The following TPD52 variants were observed in gnomAD, a reference collection of about 807,000 sequenced individuals.
TPD52 encodes the protein prostate and colon associated protein.
Under a neutral mutation model 31.3 loss-of-function variants are expected in TPD52, and 17 were observed. The ratio of observed to expected loss-of-function variants is 0.54; its 90% CI spans 0.37 to 0.82. TPD52 has a LOEUF of 0.82. TPD52 is among the 40% of genes least tolerant of loss of function. TPD52 has a pLI of 0.00. For synonymous variants in TPD52, 83 were observed against 89.6 expected, an observed-to-expected ratio of 0.93 and a Z score of 0.42; for missense variants, 212 against 240.1, an observed-to-expected ratio of 0.88 and a Z score of 0.77.
chr8:80,051,478 T>A (rs747720848), intron 4 of TPD52, 49 bp downstream of exon 4: 1 of 1,551,878 alleles, frequency 6.4e-7, no homozygotes, highest in Non-Finnish European at 8.9e-7. Context: ...AACAATAACA[T>A]TTTAATTTGC....
At chr8:80,070,751 C>T (rs556371020) in intron 1 of TPD52, among the ~76,000 whole-genome samples, 1 of 152,222 alleles carries the variant, frequency 6.6e-6, no homozygotes, top group Non-Finnish European at 1.5e-5. Flanking sequence ...CAGATTTTTA[C>T]AAGAATAGGA....
At chr8:80,099,957 A>G (rs1264475066) in intron 1 of TPD52, among the ~76,000 whole-genome samples, 1 of 152,250 alleles carries the variant, frequency 6.6e-6, no homozygotes, top group African/African-American at 2.4e-5. Context: ...CAAACCTATT[A>G]TGGCCCAATG....
At chr8:80,050,890 C>A (rs2130517740) in intron 4 of TPD52, among the ~76,000 whole-genome samples, 1 of 151,766 alleles carries the variant, frequency 6.6e-6, no homozygotes, top group South Asian at 2.1e-4. Flanking sequence ...ACTTAAACCA[C>A]ATTTGTCATT....
At chr8:80,129,231 A>T (rs746737912) in intron 1 of TPD52, among the ~76,000 whole-genome samples, 8 of 152,214 alleles carry the variant, frequency 5.3e-5, no homozygotes, top group South Asian at 2.1e-4. Context: ...TAAAATTTTT[A>T]AAAAATAATT....
rs552146979 is a variant in TPD52, at chr8:80,126,389, T to C, written c.19+45036A>G. On this transcript the variant is annotated intron_variant, in intron 1 of 7. Transcript: ENST00000518937. The stretch of plus-strand genomic sequence containing the variant: ...TTTTTTTTTTTTTGCAAACATTCTC[T>C]GTTCATCCCAAATGGATTTTAATTA... Among the ~76,000 whole-genome samples, 21 of 151,718 alleles carry C rather than the reference T, an allele frequency of 1.4e-4. No homozygotes were observed. The East Asian group carries it at 4.1e-3, about 29-fold the overall frequency.
chr8:80,051,854 A>G lies in TPD52; in HGVS notation c.285-226T>C, dbSNP rs573585341. Reference sequence around the variant, plus strand: ...TCTTCTGCAGTGCCCTAGTCCAGCCAGAAAGACAGAGTCCTATAAAGGCAG... The same window carrying G: ...TCTTCTGCAGTGCCCTAGTCCAGCCGGAAAGACAGAGTCCTATAAAGGCAG... On this transcript the variant is annotated intron_variant, in intron 3 of 7. Coordinates refer to ENST00000518937, the MANE Select transcript of TPD52 (RefSeq NM_001025253.3). 166 of 435,738 alleles carry G rather than the reference A, an allele frequency of 3.8e-4. 2 individuals are homozygous for G. In the East Asian group the frequency reaches 6.0e-3, roughly 16 times the overall value. 27.0% of individuals were successfully genotyped at this position (435,738 alleles called of 1,614,324 possible).
intron 1 of TPD52, among the ~76,000 whole-genome samples, chr8:80,140,579 T>C (rs537676679): frequency 2.1e-4 from 32 of 152,324 alleles, no homozygotes; most frequent in African/African-American, 7.5e-4. Flanking sequence ...AAGGCTTCCT[T>C]GTAGCTACGA....
intron 1 of TPD52, among the ~76,000 whole-genome samples, chr8:80,111,912 G>A (rs1340272587): frequency 6.6e-6 from 1 of 152,230 alleles, no homozygotes; most frequent in African/African-American, 2.4e-5. Flanking sequence ...AATGGCAACA[G>A]AATATGCTTA....
chr8:80,112,544 A>C (rs539974591), intron 1 of TPD52, among the ~76,000 whole-genome samples: 2 of 152,366 alleles, frequency 1.3e-5, no homozygotes, highest in East Asian at 3.9e-4. Flanking sequence ...TTGGTAGTAA[A>C]GAATACCAAT....
At chr8:80,120,420 C>G (rs1358439358) in intron 1 of TPD52, among the ~76,000 whole-genome samples, 1 of 151,730 alleles carries the variant, frequency 6.6e-6, no homozygotes, top group Non-Finnish European at 1.5e-5. Flanking sequence ...ATCCAGGAGA[C>G]AGAGGTTGCA....
intron 3 of TPD52, chr8:80,052,774 A>G: frequency 1.4e-6 from 1 of 727,856 alleles, no homozygotes; most frequent in Non-Finnish European, 2.0e-6. Flanking sequence ...TGCCAAGAGC[A>G]TATATCTGAG....
chr8:80,164,357 T>G (rs952440833), intron 1 of TPD52, among the ~76,000 whole-genome samples: 2 of 152,094 alleles, frequency 1.3e-5, no homozygotes, highest in African/African-American at 4.8e-5. Context: ...ATGACAACAG[T>G]GGTATTTCAA....
chr8:80,072,798 C>CACACATATATATAT (rs977939775), intron 1 of TPD52, among the ~76,000 whole-genome samples: 1 of 141,050 alleles, frequency 7.1e-6, no homozygotes, highest in Non-Finnish European at 1.5e-5. Flanking sequence ...CACACACACA[C>CACACATATATATAT]ATATATATAT....
At chr8:80,136,180 T>A (rs79529435) in intron 1 of TPD52, among the ~76,000 whole-genome samples, 43,238 of 118,424 alleles carry the variant, frequency 0.37, 8,804 homozygotes, top group East Asian at 0.75. Context: ...TCTTTGAGGT[T>A]AAAAAAAAAA....
At chr8:80,072,794 C>CATATATATATATATAT (rs202061225) in intron 1 of TPD52, among the ~76,000 whole-genome samples, 1 of 141,908 alleles carries the variant, frequency 7.0e-6, no homozygotes, top group African/African-American at 3.0e-5. Context: ...TACACACACA[C>CATATATATATATATAT]ACACATATAT....
intron 7 of TPD52, among the ~76,000 whole-genome samples, chr8:80,040,563 TA>T (rs1810287550): frequency 6.6e-6 from 1 of 152,206 alleles, no homozygotes; most frequent in South Asian, 2.1e-4. Context: ...CAGACTTCAT[TA>T]CAATTTATAG....
intron 1 of TPD52, among the ~76,000 whole-genome samples, chr8:80,141,638 G>A (rs556609723): frequency 3.3e-5 from 5 of 152,320 alleles, no homozygotes; most frequent in East Asian, 3.9e-4. Flanking sequence ...GTGGCTGGGC[G>A]CGGGGGCTCA....
chr8:80,166,270 G>A (rs1290199093), intron 1 of TPD52, among the ~76,000 whole-genome samples: 1 of 152,048 alleles, frequency 6.6e-6, no homozygotes, highest in East Asian at 2.0e-4. Flanking sequence ...CCAAATTGGT[G>A]CCATTGCACT....
At chr8:80,056,749 C>T (rs1811928600) in intron 2 of TPD52, among the ~76,000 whole-genome samples, 1 of 152,192 alleles carries the variant, frequency 6.6e-6, no homozygotes, top group South Asian at 2.1e-4. Context: ...CCCTCAGACA[C>T]AGCTGGTGAG....
Sources: gnomAD v4.1 joint callset for allele counts (sites outside exome capture counted in the v4.1 genomes callset) on GRCh38, gnomAD v4.1.1 for gene constraint, MANE v1.5 for transcripts, NCBI Gene and HGNC (gene_info 2026-07-23, HGNC 2026-07-21) for gene names.